Variants in CNTF observed in about 807,000 individuals in gnomAD.
The protein encoded by CNTF is Ciliary Neuronotrophic Factor.
Under a neutral mutation model 13.0 loss-of-function variants are expected in CNTF, and 14 were observed. That is an observed-to-expected ratio of 1.07 (90% CI 0.71 to 1.68). CNTF has a LOEUF of 1.68. Ranked by LOEUF, CNTF falls within the 40% of genes most tolerant of loss-of-function variation. The probability of loss-of-function intolerance (pLI) is 0.00; values close to 1 mark genes in which losing one functional copy is unlikely to be tolerated. For missense variants in CNTF, 283 were observed against 252.5 expected (o/e 1.12, Z -0.82); for synonymous variants, 98 against 92.4 (o/e 1.06, Z -0.35).
Position 58,624,568 on chromosome 11 carries a change from T to C in CNTF, c.*46T>C, listed in dbSNP as rs1590637589. On this transcript the variant is annotated 3_prime_UTR_variant, in exon 2 of 2. Transcript: ENST00000361987. ...CCTTGCTTTCTCTTCTAATGGAATATGCGTAGTTCCCTGGGGCCTCGCTTT... is the reference window on the plus strand; with the variant it reads ...CCTTGCTTTCTCTTCTAATGGAATACGCGTAGTTCCCTGGGGCCTCGCTTT... The C allele has an allele frequency of 1.2e-6, 2 of 1,604,600 alleles. No homozygotes were observed. Among genetic ancestry groups the C allele is most frequent in the Non-Finnish European group, 8.5e-7 (1 of 1,176,832 alleles).
intron 1 of CNTF, 31 bp from the exon 2 acceptor site, chr11:58,624,003 A>T (rs766093111): frequency 6.2e-7 from 1 of 1,607,016 alleles, no homozygotes; most frequent in Non-Finnish European, 8.5e-7. Context: ...TGATGACAGA[A>T]GATGTGGTGT....
chr11:58,623,593 T>C (rs1364246681), intron 1 of CNTF, among the ~76,000 whole-genome samples: 2 of 152,212 alleles, frequency 1.3e-5, no homozygotes, highest in Non-Finnish European at 2.9e-5. Context: ...GAAATCAGAC[T>C]CTTTGGGAGT....
intron 1 of CNTF, among the ~76,000 whole-genome samples, chr11:58,623,277 A>G (rs1214085178): frequency 1.3e-5 from 2 of 152,234 alleles, no homozygotes; most frequent in African/African-American, 2.4e-5. Context: ...CGTGGGAGGA[A>G]TTTGTAAATC....
Position 58,622,815 on chromosome 11 carries a change from C to T in CNTF, c.63C>T (p.Ile21=), listed in dbSNP as rs772636468. Reference sequence around the variant, plus strand: ...GTCGGGACCTCTGTAGCCGCTCTATCTGGCTAGCAAGGAAGATTCGTTCAG... The same window carrying T: ...GTCGGGACCTCTGTAGCCGCTCTATTTGGCTAGCAAGGAAGATTCGTTCAG... The part of the protein sequence containing the change: ...PHRRDLCSRS[I]WLARKIRSDL... The change falls in exon 1 of 2, where the codon ATC becomes ATT. Residue 21 remains isoleucine (I), a synonymous_variant. Transcript: ENST00000361987. 1 of 1,613,940 alleles carries T rather than the reference C, an allele frequency of 6.2e-7. No individual in the cohort carries two copies. The highest frequency in any genetic ancestry group is 1.3e-5 in the African/African-American group (1 of 74,928).
At chr11:58,623,944 A>G in intron 1 of CNTF, 90 bp from the exon 2 acceptor site, 1 of 1,513,634 alleles carries the variant, frequency 6.6e-7, no homozygotes, top group South Asian at 1.3e-5. Flanking sequence ...GGCCAGAGAG[A>G]TGAGTGAGAT....
At chr11:58,623,574 C>T (rs1855884131) in intron 1 of CNTF, among the ~76,000 whole-genome samples, 1 of 152,216 alleles carries the variant, frequency 6.6e-6, no homozygotes, top group Admixed American at 6.5e-5. Context: ...TGTACAGCCT[C>T]ACCAGACAGA....
rs1460608503 is a variant in CNTF at position 58,624,474 on chromosome 11, G to A, written c.555G>A (p.Gly185=). The A allele has an allele frequency of 6.2e-7, 1 of 1,613,892 alleles. No individual in the cohort carries two copies. Among genetic ancestry groups the A allele is most frequent in the Non-Finnish European group, 8.5e-7 (1 of 1,179,988 alleles). ...GTTTCATTTCTTCTCATCAGACTGG[G>A]ATCCCAGCACGTGGGAGCCATTATA... ...DLRFISSHQT[G]IPARGSHYIA... is the part of the protein sequence containing the mutation. Residue 185 remains glycine (G), a synonymous_variant, in exon 2 of 2, where the codon GGG becomes GGA. Coordinates refer to ENST00000361987, the MANE Select transcript of CNTF (RefSeq NM_000614.4).
At position 58,624,524 on chromosome 11, in the gene CNTF, A is replaced by C; in HGVS notation, c.*2A>C. The C allele has an allele frequency of 1.9e-6, 3 of 1,613,574 alleles. No homozygotes were observed. The highest frequency in any genetic ancestry group is 2.5e-6 in the Non-Finnish European group (3 of 1,179,952). ...ATTGCTAACAACAAGAAAATGTAGC[A>C]GTTAGTCCCTTCTCTCTTCCTTGCT... On this transcript the variant is annotated 3_prime_UTR_variant, in exon 2 of 2. Coordinates refer to ENST00000361987, the MANE Select transcript of CNTF (RefSeq NM_000614.4).
At chr11:58,623,897 C>G (rs1403113355) in intron 1 of CNTF, 137 bp from the exon 2 acceptor site, 1 of 1,195,596 alleles carries the variant, frequency 8.4e-7, no homozygotes, top group Non-Finnish European at 1.2e-6. Context: ...AGAGTTCCTA[C>G]TGTAGACATA....
In CNTF at chr11:58,622,731, C is replaced by T. The variant is rs369596489; in HGVS notation, c.-22C>T. On this transcript the variant is annotated 5_prime_UTR_variant, in exon 1 of 2. Coordinates refer to ENST00000361987, the MANE Select transcript of CNTF (RefSeq NM_000614.4). ...AGAAGTAAACCCAGCTGACTTGTTT[C>T]CTGGGACAGTTGAGTTAAGGGATGG... The T allele has an allele frequency of 1.7e-4, 275 of 1,580,712 alleles. 2 individuals are homozygous for T. In the East Asian group the frequency reaches 2.3e-3, roughly 13 times the overall value.
Position 58,624,835 on chromosome 11 carries a change from A to C in CNTF, c.*313A>C. The C allele has an allele frequency of 3.0e-6, 1 of 336,496 alleles. No individual in the cohort carries two copies. The highest frequency in any genetic ancestry group is 5.6e-6 in the Non-Finnish European group (1 of 178,272). 20.8% of individuals were successfully genotyped at this position (336,496 alleles called of 1,614,324 possible). A position where few individuals can be genotyped will look rare whatever the true frequency, so the allele number is the denominator to read the frequency against. On this transcript the variant is annotated 3_prime_UTR_variant, in exon 2 of 2. Transcript: ENST00000361987. ...CCACTTCAGGGTTCTAACCTTTCTAACCCACTAAGTAACCTCTACAGGCAT... is the reference window on the plus strand; with the variant it reads ...CCACTTCAGGGTTCTAACCTTTCTACCCCACTAAGTAACCTCTACAGGCAT...
rs1719026330 is a variant in CNTF, at chr11:58,625,359, C to T, written c.*837C>T. ...AGCGTTAAAGTCAGGATTTATTGTT[C>T]ATACTTGGCGGTGAGGAGGGCAGCT... On this transcript the variant is annotated 3_prime_UTR_variant, in exon 2 of 2. Transcript: ENST00000361987. 1.3e-5 allele frequency: 2 copies of T among 152,166 alleles called. No homozygotes were observed. Among genetic ancestry groups the T allele is most frequent in the African/African-American group, 2.4e-5 (1 of 41,432 alleles). The allele number at this position is 152,166 out of a possible 1,614,324, so 9.4% of individuals were successfully genotyped here. A position where few individuals can be genotyped will look rare whatever the true frequency, so the allele number is the denominator to read the frequency against.
rs1855904602 is a variant in CNTF at position 58,624,610 on chromosome 11, A to G, written c.*88A>G. The G allele has an allele frequency of 3.3e-6, 5 of 1,504,434 alleles. No homozygotes were observed. Among genetic ancestry groups the G allele is most frequent in the South Asian group, 1.2e-5 (1 of 86,800 alleles). The allele number at this position is 1,504,434 out of a possible 1,614,324, so 93.2% of individuals were successfully genotyped here. A position where few individuals can be genotyped will look rare whatever the true frequency, so the allele number is the denominator to read the frequency against. On this transcript the variant is annotated 3_prime_UTR_variant, in exon 2 of 2. Transcript: ENST00000361987. ...CCTCGCTTTCCCATCTTAAATTTCT[A>G]AAAACAGTTAAGACAACAGGCATTT...
Position 58,624,192 on chromosome 11 carries a change from A to T in CNTF, c.273A>T (p.Leu91Phe). The T allele has an allele frequency of 6.2e-7, 1 of 1,614,024 alleles. No individual in the cohort carries two copies. Among genetic ancestry groups the T allele is most frequent in the Middle Eastern group, 1.6e-4 (1 of 6,062 alleles). ...TCCATGTTTTGTTGGCCAGGCTCTT[A>T]GAAGACCAGCAGGTGCATTTTACCC... is the stretch of plus-strand genomic sequence containing the variant. ...RTFHVLLARL[L>F]EDQQVHFTPT... The change falls in exon 2 of 2, where the codon TTA (leucine) becomes TTT (phenylalanine). Residue 91 changes from leucine to phenylalanine, a missense_variant. Physicochemically the swap from Leu to Phe is conservative, Grantham distance 22. Coordinates refer to ENST00000361987, the MANE Select transcript of CNTF (RefSeq NM_000614.4).
Position 58,624,707 on chromosome 11 carries a change from A to G in CNTF, c.*185A>G, listed in dbSNP as rs1855906659. 1.2e-5 allele frequency: 8 copies of G among 642,332 alleles called. 1 individual carries two copies. In the South Asian group the frequency reaches 1.5e-4, roughly 12 times the overall value. The allele number at this position is 642,332 out of a possible 1,614,324, so 39.8% of individuals were successfully genotyped here. ...GTATTTTCATCAAGTAGCGTTGGAG[A>G]CATACACAAATGGGCATACAAGTTT... On this transcript the variant is annotated 3_prime_UTR_variant, in exon 2 of 2. Transcript: ENST00000361987.
rs779648726 is a variant in CNTF, at chr11:58,622,798, C to G, written c.46C>G (p.Leu16Val). 2 of 1,613,902 alleles carry G rather than the reference C, an allele frequency of 1.2e-6. No individual in the cohort carries two copies. The highest frequency in any genetic ancestry group is 1.3e-5 in the African/African-American group (1 of 74,912). Residue 16 changes from leucine (L) to valine (V), a missense_variant, in exon 1 of 2, where the codon CTC becomes GTC. Coordinates refer to ENST00000361987, the MANE Select transcript of CNTF (RefSeq NM_000614.4). ...ACCGCTGACCCCTCACCGTCGGGAC[C>G]TCTGTAGCCGCTCTATCTGGCTAGC... ...HSPLTPHRRD[L>V]CSRSIWLARK...
In CNTF at chr11:58,624,628, AG is replaced by A; in HGVS notation, c.*108del. 1 of 1,395,926 alleles carries A rather than the reference AG, an allele frequency of 7.2e-7. No individual in the cohort carries two copies. The highest frequency in any genetic ancestry group is 9.9e-7 in the Non-Finnish European group (1 of 1,007,600). 86.5% of individuals were successfully genotyped at this position (1,395,926 alleles called of 1,614,324 possible). ...AATTTCTAAAAACAGTTAAGACAAC[AG>A]GCATTTTCTTTCTTTTTTCTCTGAC... On this transcript the variant is annotated 3_prime_UTR_variant, in exon 2 of 2. Coordinates refer to ENST00000361987, the MANE Select transcript of CNTF (RefSeq NM_000614.4).
At position 58,624,571 on chromosome 11, in the gene CNTF, G is replaced by A. The variant is rs186102199; in HGVS notation, c.*49G>A. On this transcript the variant is annotated 3_prime_UTR_variant, in exon 2 of 2. Transcript: ENST00000361987. ...TGCTTTCTCTTCTAATGGAATATGC[G>A]TAGTTCCCTGGGGCCTCGCTTTCCC... 228 of 1,600,672 alleles carry A rather than the reference G, an allele frequency of 1.4e-4. No homozygotes were observed. The highest frequency in any genetic ancestry group is 1.8e-4 in the Non-Finnish European group (211 of 1,173,964).
rs367904637 is a variant in CNTF, at chr11:58,624,560, A to G, written c.*38A>G. 9.9e-6 allele frequency: 16 copies of G among 1,608,624 alleles called. No homozygotes were observed. In the African/African-American group the frequency reaches 1.9e-4, roughly 19 times the overall value. Reference sequence around the variant, plus strand: ...TCTCTCTTCCTTGCTTTCTCTTCTAATGGAATATGCGTAGTTCCCTGGGGC... The same window carrying G: ...TCTCTCTTCCTTGCTTTCTCTTCTAGTGGAATATGCGTAGTTCCCTGGGGC... On this transcript the variant is annotated 3_prime_UTR_variant, in exon 2 of 2. Coordinates refer to ENST00000361987, the MANE Select transcript of CNTF (RefSeq NM_000614.4).
Sources: allele counts gnomAD v4.1 joint callset (sites outside exome capture counted in the v4.1 genomes callset), GRCh38; gene constraint gnomAD v4.1.1; transcripts MANE v1.5; gene names NCBI Gene and HGNC (gene_info 2026-07-23, HGNC 2026-07-21).